The following UEVLD variants were observed in gnomAD, a reference collection of about 807,000 sequenced individuals.
The protein encoded by UEVLD is ubiquitin-conjugating enzyme E2 variant 3.
A neutral mutation model predicts 58.6 loss-of-function variants in UEVLD; 47 were observed. That is an observed-to-expected ratio of 0.80 (90% confidence interval 0.63 to 1.02). The LOEUF (loss-of-function observed/expected upper bound fraction) is 1.02, where lower values mean the gene tolerates loss of function less well. Ranked by LOEUF, UEVLD falls within the 50% of genes least tolerant of loss-of-function variation. UEVLD has a pLI of 0.00. For synonymous variants in UEVLD, 197 were observed against 195.3 expected, an observed-to-expected ratio of 1.01 and a Z score of -0.07; for missense variants, 510 against 550.6, an observed-to-expected ratio of 0.93 and a Z score of 0.74.
chr11:18,576,434 G>A (rs886324079), intron 2 of UEVLD, among the ~76,000 whole-genome samples: 1 of 151,944 alleles, frequency 6.6e-6, no homozygotes, highest in African/African-American at 2.4e-5. Flanking sequence ...GCTGAGGCAG[G>A]AGAATAACTT....
rs746991200 is a variant in UEVLD, at chr11:18,570,395, A to G, written c.194-18T>C. The G allele has an allele frequency of 2.7e-5, 41 of 1,504,720 alleles. No individual in the cohort carries two copies. The highest frequency in any genetic ancestry group is 5.8e-5 in the African/African-American group (4 of 69,356). 93.2% of individuals were successfully genotyped at this position (1,504,720 alleles called of 1,614,324 possible). ...TGTATTACCTATTTGAGACAAAAGA[A>G]ACATATCTTCAAACAATAATAAAGC... On this transcript the variant is annotated intron_variant, in intron 3 of 11. Coordinates refer to ENST00000396197, the MANE Select transcript of UEVLD (RefSeq NM_001040697.4).
intron 9 of UEVLD, among the ~76,000 whole-genome samples, chr11:18,543,373 C>A (rs980409351): frequency 6.6e-6 from 1 of 152,140 alleles, no homozygotes; most frequent in Non-Finnish European, 1.5e-5. Context: ...TCATTGAAAC[C>A]TTCTGCAACA....
At position 18,565,524 on chromosome 11, in the gene UEVLD, A is replaced by G. The variant is rs147922871; in HGVS notation, c.494-514T>C. On this transcript the variant is annotated intron_variant, in intron 5 of 11. Transcript: ENST00000396197. ...GAATTGTTTTATCTGTTTAAGACCAATTCTTTACACTTTAAGAAACCTGGC... is the reference window on the plus strand; with the variant it reads ...GAATTGTTTTATCTGTTTAAGACCAGTTCTTTACACTTTAAGAAACCTGGC... Among the ~76,000 whole-genome samples the G allele has an allele frequency of 7.3e-3, 1,118 of 152,344 alleles. 12 individuals are homozygous for G. Among genetic ancestry groups the G allele is most frequent in the African/African-American group, 0.026 (1,068 of 41,578 alleles).
intron 6 of UEVLD, among the ~76,000 whole-genome samples, 186 bp downstream of exon 6, chr11:18,564,706 C>T (rs1345863171): frequency 2.0e-5 from 3 of 152,058 alleles, no homozygotes; most frequent in South Asian, 2.1e-4. Flanking sequence ...TTTTTTAAAC[C>T]TACTAATTAA....
chr11:18,547,384 G>T (rs1012224010), intron 7 of UEVLD, among the ~76,000 whole-genome samples: 5 of 152,116 alleles, frequency 3.3e-5, no homozygotes, highest in African/African-American at 1.2e-4. Context: ...AATTAGCCAG[G>T]CATGGTGGTG....
chr11:18,555,698 A>T (rs1937177068), intron 7 of UEVLD, among the ~76,000 whole-genome samples: 2 of 152,224 alleles, frequency 1.3e-5, no homozygotes, highest in Non-Finnish European at 2.9e-5. Context: ...CTGTAGTCCC[A>T]GATACTTATG....
intron 11 of UEVLD, among the ~76,000 whole-genome samples, chr11:18,532,931 T>C (rs1260235385): frequency 6.6e-6 from 1 of 152,236 alleles, no homozygotes; most frequent in Non-Finnish European, 1.5e-5. Context: ...GATATTTCAA[T>C]ATATGCATAT....
At chr11:18,575,449 CAGAAACAGAA>C in intron 2 of UEVLD, 37 bp from the exon 3 acceptor site, 1 of 1,571,328 alleles carries the variant, frequency 6.4e-7, no homozygotes, top group Non-Finnish European at 8.6e-7. Context: ...AATGTGCAAT[CAGAAACAGAA>C]AGAACTGTAG....
rs1850500017 is a variant in UEVLD, at chr11:18,529,912, G to T, written c.*2408C>A. 1 of 152,164 alleles carries T rather than the reference G, an allele frequency of 6.6e-6. No individual in the cohort carries two copies. Among genetic ancestry groups the T allele is most frequent in the South Asian group, 2.1e-4 (1 of 4,826 alleles). The allele number at this position is 152,164 out of a possible 1,614,324, so 9.4% of individuals were successfully genotyped here. A position where few individuals can be genotyped will look rare whatever the true frequency, so the allele number is the denominator to read the frequency against. ...CACTCAAGGAAATATCTGATACAGA[G>T]AATTACTTCTACATTGTGGCCTTCC... is the stretch of plus-strand genomic sequence containing the variant. On this transcript the variant is annotated 3_prime_UTR_variant, in exon 12 of 12. Transcript: ENST00000396197.
At chr11:18,539,127 G>A (rs1189835666) in intron 9 of UEVLD, 1 of 138,806 alleles carries the variant, frequency 7.2e-6, no homozygotes, top group Non-Finnish European at 1.5e-5. Flanking sequence ...CCAGGCTGGA[G>A]TGCAGTGGTG....
At chr11:18,561,226 C>CAAGT (rs1852015215) in intron 6 of UEVLD, among the ~76,000 whole-genome samples, 1 of 152,190 alleles carries the variant, frequency 6.6e-6, no homozygotes, top group Non-Finnish European at 1.5e-5. Context: ...ACTTGGGTAA[C>CAAGT]CGCCCTATGC....
At chr11:18,552,884 G>A (rs7483340) in intron 7 of UEVLD, among the ~76,000 whole-genome samples, 1 of 151,484 alleles carries the variant, frequency 6.6e-6, no homozygotes, top group African/African-American at 2.4e-5. Context: ...GGCTGGGCGT[G>A]GTGGCTCACC....
intron 2 of UEVLD, among the ~76,000 whole-genome samples, chr11:18,576,015 C>T (rs1852888519): frequency 6.6e-6 from 1 of 152,104 alleles, no homozygotes; most frequent in Non-Finnish European, 1.5e-5. Flanking sequence ...GTTGAAATTG[C>T]CTTTGCAAAA....
At chr11:18,577,766 G>C (rs1030312954) in intron 2 of UEVLD, among the ~76,000 whole-genome samples, 2 of 151,568 alleles carry the variant, frequency 1.3e-5, no homozygotes, top group African/African-American at 4.8e-5. Context: ...CAGCTACTCG[G>C]AAGGCTGAGG....
At chr11:18,588,376 A>T (rs1188205314) in intron 1 of UEVLD, among the ~76,000 whole-genome samples, 1 of 152,100 alleles carries the variant, frequency 6.6e-6, no homozygotes, top group African/African-American at 2.4e-5. Flanking sequence ...AGCTGGGGGT[A>T]TGAGGAGGGC....
Position 18,534,409 on chromosome 11 carries a change from A to G in UEVLD, c.1169T>C (p.Val390Ala). The G allele has an allele frequency of 6.3e-7, 1 of 1,579,856 alleles. No individual in the cohort carries two copies. Among genetic ancestry groups the G allele is most frequent in the East Asian group, 2.4e-5 (1 of 41,878 alleles). Residue 390 changes from valine (V) to alanine (A), a missense_variant, in exon 11 of 12, where the codon GTT (valine) becomes GCT (alanine). Transcript: ENST00000396197. ...LRVKGQRSWS[V>A]GLSVADMVDS... ...AACCATGTCAGCTACTGATAGTCCA[A>G]CAGACCAGGATCTTTGACCTTTTAC... is the stretch of plus-strand genomic sequence containing the variant.
chr11:18,560,072 ATGG>A (rs1565125279), intron 6 of UEVLD, among the ~76,000 whole-genome samples: 3 of 82,574 alleles, frequency 3.6e-5, no homozygotes, highest in Non-Finnish European at 8.7e-5. Flanking sequence ...CCTGGGCAAC[ATGG>A]CAAAACCCCG....
intron 4 of UEVLD, among the ~76,000 whole-genome samples, chr11:18,567,101 A>C (rs959507873): frequency 9.8e-5 from 15 of 152,296 alleles, no homozygotes; most frequent in African/African-American, 3.6e-4. Context: ...TTTACCCCTA[A>C]GTACTTTAAT....
At chr11:18,580,982 G>GTGAA (rs1449851320) in intron 1 of UEVLD, among the ~76,000 whole-genome samples, 1 of 151,984 alleles carries the variant, frequency 6.6e-6, no homozygotes, top group Non-Finnish European at 1.5e-5. Flanking sequence ...GACCAACATG[G>GTGAA]TGAAACCCCA....
Sources: allele counts gnomAD v4.1 joint callset (sites outside exome capture counted in the v4.1 genomes callset), GRCh38; gene constraint gnomAD v4.1.1; transcripts MANE v1.5; gene names NCBI Gene and HGNC (gene_info 2026-07-23, HGNC 2026-07-21).